Variants in CEP112 observed in about 807,000 individuals in gnomAD.
CEP112 encodes centrosomal protein 112.
Under a neutral mutation model 153.0 loss-of-function variants are expected in CEP112, and 127 were observed. That is an observed-to-expected ratio of 0.83 (90% CI 0.72 to 0.96). The LOEUF (loss-of-function observed/expected upper bound fraction) is 0.96, where lower values mean the gene tolerates loss of function less well. CEP112 is among the 40% of genes least tolerant of loss of function. CEP112 has a pLI of 0.00. For missense variants in CEP112, 1,089 were observed against 1,101.2 expected (o/e 0.99, Z 0.16); for synonymous variants, 358 against 374.4 (o/e 0.96, Z 0.51).
chr17:66,156,226 C>T (rs905078359), intron 4 of CEP112, among the ~76,000 whole-genome samples: 3 of 152,136 alleles, frequency 2.0e-5, no homozygotes, highest in South Asian at 4.1e-4. Flanking sequence ...CCTCCACTGG[C>T]GATACCCAGG....
chr17:65,642,256 G>C (rs1287070236), intron 24 of CEP112, among the ~76,000 whole-genome samples: 2 of 152,170 alleles, frequency 1.3e-5, no homozygotes, highest in African/African-American at 4.8e-5. Context: ...CATTAAAGCT[G>C]AGTTGCAGTG....
chr17:66,190,867 A>T (rs2073138469), intron 1 of CEP112, among the ~76,000 whole-genome samples: 1 of 152,040 alleles, frequency 6.6e-6, no homozygotes, highest in Admixed American at 6.6e-5. Flanking sequence ...TTCATATCAC[A>T]CTCCTTGCCA....
At chr17:66,150,644 T>C (rs1295132659) in intron 4 of CEP112, among the ~76,000 whole-genome samples, 1 of 152,240 alleles carries the variant, frequency 6.6e-6, no homozygotes, top group Non-Finnish European at 1.5e-5. Flanking sequence ...TTCCCCACAC[T>C]GGAGTATGTG....
intron 4 of CEP112, among the ~76,000 whole-genome samples, chr17:66,154,003 GAAAA>G (rs59042292): frequency 3.6e-4 from 49 of 134,334 alleles, no homozygotes; most frequent in African/African-American, 1.2e-3. Flanking sequence ...TCTCTACTAA[GAAAA>G]AAAAAAAAAA....
chr17:65,894,772 T>C (rs1380474920), intron 20 of CEP112, among the ~76,000 whole-genome samples: 3 of 152,092 alleles, frequency 2.0e-5, no homozygotes, highest in Non-Finnish European at 2.9e-5. Flanking sequence ...AAACCAAAAG[T>C]GAACCCATTT....
At chr17:65,987,249 A>G (rs748094199) in intron 17 of CEP112, among the ~76,000 whole-genome samples, 3 of 152,080 alleles carry the variant, frequency 2.0e-5, no homozygotes, top group Non-Finnish European at 4.4e-5. Flanking sequence ...GATATGATTA[A>G]GATGAAAAAT....
intron 19 of CEP112, among the ~76,000 whole-genome samples, chr17:65,925,651 C>T (rs912198480): frequency 3.3e-5 from 5 of 152,262 alleles, no homozygotes; most frequent in East Asian, 1.9e-4. Context: ...AATTGTTTTA[C>T]GCTAACCCCA....
At chr17:65,642,518 C>T (rs1042197437) in intron 24 of CEP112, among the ~76,000 whole-genome samples, 2 of 152,170 alleles carry the variant, frequency 1.3e-5, no homozygotes, top group South Asian at 2.1e-4. Flanking sequence ...TGGCAAAGTG[C>T]TTTTTTTGGG....
chr17:65,708,719 G>C (rs539634749), intron 23 of CEP112, among the ~76,000 whole-genome samples: 1 of 152,110 alleles, frequency 6.6e-6, no homozygotes, highest in South Asian at 2.1e-4. Context: ...CATTTAGATC[G>C]TTCTCAACCG....
chr17:65,759,706 T>C (rs948651358), intron 21 of CEP112, among the ~76,000 whole-genome samples: 5 of 152,068 alleles, frequency 3.3e-5, no homozygotes, highest in East Asian at 1.9e-4. Flanking sequence ...AAGCAGAGGA[T>C]TGTGACCCAA....
At chr17:65,997,624 C>A (rs62064345) in intron 17 of CEP112, among the ~76,000 whole-genome samples, 25,804 of 152,054 alleles carry the variant, frequency 0.17, 3,388 homozygotes, top group African/African-American at 0.36. Context: ...GGTGAACATA[C>A]AATATTTAAC....
At chr17:65,768,779 T>C (rs2053161252) in intron 21 of CEP112, among the ~76,000 whole-genome samples, 1 of 152,084 alleles carries the variant, frequency 6.6e-6, no homozygotes, top group Non-Finnish European at 1.5e-5. Flanking sequence ...AGAAGGAAAG[T>C]TCTTCAACAT....
Position 65,904,208 on chromosome 17 carries a change from G to A in CEP112, c.1981-1874C>T, listed in dbSNP as rs554445170. On this transcript the variant is annotated intron_variant, in intron 19 of 26. Coordinates refer to ENST00000535342, the MANE Select transcript of CEP112 (RefSeq NM_001199165.4). ...GATTGTATATTTGGAAAACCCCATC[G>A]TCTCAGCCCCAAATCTCCTTAAGCT... Among the ~76,000 whole-genome samples the A allele has an allele frequency of 3.9e-5, 6 of 152,266 alleles. 1 individual carries two copies. The Middle Eastern group carries it at 0.014, about 345-fold the overall frequency.
chr17:65,965,899 T>C (rs956856176), intron 17 of CEP112, among the ~76,000 whole-genome samples: 49 of 152,290 alleles, frequency 3.2e-4, no homozygotes, highest in African/African-American at 1.1e-3. Context: ...TTTTAATTTC[T>C]ACATGGTAAT....
intron 16 of CEP112, among the ~76,000 whole-genome samples, chr17:66,012,778 C>T (rs1231588871): frequency 6.6e-6 from 1 of 152,172 alleles, no homozygotes; most frequent in Non-Finnish European, 1.5e-5. Flanking sequence ...GTCTCTCTAG[C>T]AAGGTTGGGG....
chr17:65,855,616 C>T (rs1398681574), intron 20 of CEP112, among the ~76,000 whole-genome samples: 1 of 152,166 alleles, frequency 6.6e-6, no homozygotes, highest in Admixed American at 6.6e-5. Context: ...TTCTGCTCTT[C>T]CCCAGTCAGG....
At chr17:65,927,777 G>A in intron 18 of CEP112, 88 bp from the exon 19 acceptor site, 1 of 661,970 alleles carries the variant, frequency 1.5e-6, no homozygotes, top group East Asian at 3.1e-5. Context: ...TTAAATGACA[G>A]ATTTTAAGCA....
intron 8 of CEP112, among the ~76,000 whole-genome samples, chr17:66,086,344 A>G (rs2067927913): frequency 6.6e-6 from 1 of 151,576 alleles, no homozygotes; most frequent in South Asian, 2.1e-4. Flanking sequence ...TGTTGAATAA[A>G]AGGGATTTAA....
At chr17:65,946,642 A>G (rs2061658262) in intron 18 of CEP112, among the ~76,000 whole-genome samples, 1 of 152,280 alleles carries the variant, frequency 6.6e-6, no homozygotes, top group South Asian at 2.1e-4. Context: ...TTCACTTTGC[A>G]TTTCATGTAC....
Sources: gnomAD v4.1 joint callset for allele counts (sites outside exome capture counted in the v4.1 genomes callset) on GRCh38, gnomAD v4.1.1 for gene constraint, MANE v1.5 for transcripts, NCBI Gene and HGNC (gene_info 2026-07-23, HGNC 2026-07-21) for gene names.